ATP7B: variants seen among roughly 807,000 people sequenced by gnomAD.
ATP7B encodes the protein ATPase copper transporting beta.
ATP7B carries 113 observed loss-of-function variants against 118.9 expected under a neutral mutation model. The ratio of observed to expected loss-of-function variants is 0.95; its 90% CI spans 0.82 to 1.11. ATP7B has a LOEUF of 1.11. Ranked by LOEUF, ATP7B falls within the 50% of genes most tolerant of loss-of-function variation. The probability of loss-of-function intolerance (pLI) is 0.00; values close to 1 mark genes in which losing one functional copy is unlikely to be tolerated. For missense variants in ATP7B, 1,867 were observed against 1,871.4 expected, an observed-to-expected ratio of 1.00 and a Z score of 0.04; for synonymous variants, 777 against 727.4, an observed-to-expected ratio of 1.07 and a Z score of -1.10.
chr13:51,973,992 G>A lies in ATP7B; in HGVS notation c.1228C>T (p.Pro410Ser). ...TCTATAGCAGCTCTGAGTTCTTCTG[G>A]GCTAATTACAGAGGGATTATAAAGA... ...TVLYNPSVIS[P>S]EELRAAIEDM... The change falls in exon 2 of 21, where the codon CCA (proline) becomes TCA (serine). Residue 410 changes from proline (P) to serine (S), a missense_variant. Transcript: ENST00000242839. 5 of 1,614,194 alleles carry A rather than the reference G, an allele frequency of 3.1e-6. No homozygotes were observed. Among genetic ancestry groups the A allele is most frequent in the Non-Finnish European group, 4.2e-6 (5 of 1,180,032 alleles).
At chr13:52,007,650 C>G (rs940804510) in intron 1 of ATP7B, among the ~76,000 whole-genome samples, 2 of 152,124 alleles carry the variant, frequency 1.3e-5, no homozygotes, top group Non-Finnish European at 2.9e-5. Flanking sequence ...GGAGTTAGCA[C>G]GGACCCCACA....
In ATP7B at chr13:51,935,156, A is replaced by G. The variant is rs554348516; in HGVS notation, c.4125-127T>C. 2.2e-6 allele frequency: 3 copies of G among 1,341,588 alleles called. No individual in the cohort carries two copies. In the South Asian group the frequency reaches 4.0e-5, roughly 18 times the overall value. The allele number at this position is 1,341,588 out of a possible 1,614,324, so 83.1% of individuals were successfully genotyped here. A position where few individuals can be genotyped will look rare whatever the true frequency, so the allele number is the denominator to read the frequency against. ...CAGTATCAAAACCTCAAGAGTTTCCAAGGAAAAGGACATTAAACTCCCTAT... is the reference window on the plus strand; with the variant it reads ...CAGTATCAAAACCTCAAGAGTTTCCGAGGAAAAGGACATTAAACTCCCTAT... On this transcript the variant is annotated intron_variant, in intron 20 of 20. Transcript: ENST00000242839.
intron 1 of ATP7B, among the ~76,000 whole-genome samples, chr13:51,993,946 G>A (rs765440648): frequency 4.6e-5 from 7 of 152,074 alleles, no homozygotes; most frequent in Non-Finnish European, 7.4e-5. Context: ...GCTTCAGGTC[G>A]CCCCACTAGT....
At chr13:51,966,523 C>T (rs191475787) in intron 4 of ATP7B, among the ~76,000 whole-genome samples, 1 of 152,166 alleles carries the variant, frequency 6.6e-6, no homozygotes, top group Admixed American at 6.5e-5. Flanking sequence ...ATGTATTAGG[C>T]AAATATGAAG....
Position 51,950,077 on chromosome 13 carries a change from G to A in ATP7B, c.2660C>T (p.Ala887Val). ...INAHGSVLIK[A>V]THVGNDTTLA... is the part of the protein sequence containing the mutation. Reference sequence around the variant, plus strand: ...AGTGGTGTCATTGCCCACGTGGGTAGCTTTAATGAGCACAGAGCCATGTGC... The same window carrying A: ...AGTGGTGTCATTGCCCACGTGGGTAACTTTAATGAGCACAGAGCCATGTGC... The change falls in exon 11 of 21, where the codon GCT (alanine) becomes GTT (valine). Residue 887 changes from alanine (A) to valine (V), a missense_variant. Ala to Val is a moderately conservative substitution (Grantham distance 64). Transcript: ENST00000242839. 6.2e-7 allele frequency: 1 copy of A among 1,614,224 alleles called. No individual in the cohort carries two copies. Among genetic ancestry groups the A allele is most frequent in the Non-Finnish European group, 8.5e-7 (1 of 1,180,042 alleles).
chr13:52,008,673 A>ATT (rs1261339841), intron 1 of ATP7B, among the ~76,000 whole-genome samples: 1 of 152,132 alleles, frequency 6.6e-6, no homozygotes, highest in Non-Finnish European at 1.5e-5. Context: ...CCAAGTATAT[A>ATT]TTTCTTCTTA....
chr13:51,995,249 AC>A (rs1266917581), intron 1 of ATP7B: 1 of 954,238 alleles, frequency 1.0e-6, no homozygotes, highest in Non-Finnish European at 1.2e-6. Flanking sequence ...ATGGAGAGAA[AC>A]CTCCATCTTT....
At position 51,940,669 on chromosome 13, in the gene ATP7B, T is replaced by G. The variant is rs149488874; in HGVS notation, c.3556+412A>C. On this transcript the variant is annotated intron_variant, in intron 16 of 20. Transcript: ENST00000242839. Reference sequence around the variant, plus strand: ...AGTCTAAAAAAGAAAAAGAAAGTAATAATAAATAAATAAAGCAGACAGAGA... The same window carrying G: ...AGTCTAAAAAAGAAAAAGAAAGTAAGAATAAATAAATAAAGCAGACAGAGA... Among the ~76,000 whole-genome samples, 513 of 151,872 alleles carry G rather than the reference T, an allele frequency of 3.4e-3. 15 individuals carry two copies. Among genetic ancestry groups the G allele is most frequent in the Admixed American group, 0.033 (497 of 15,250 alleles).
intron 1 of ATP7B, among the ~76,000 whole-genome samples, chr13:51,996,345 G>C (rs1479950200): frequency 2.0e-5 from 3 of 152,118 alleles, no homozygotes; most frequent in Non-Finnish European, 2.9e-5. Flanking sequence ...CGACACTGTG[G>C]TAATTCCAGC....
intron 9 of ATP7B, among the ~76,000 whole-genome samples, chr13:51,956,358 A>G (rs563171332): frequency 6.2e-4 from 94 of 152,350 alleles, no homozygotes; most frequent in Non-Finnish European, 1.2e-3. Flanking sequence ...CAGCTAGGGC[A>G]GGCTGGCTCC....
At chr13:51,964,108 AACAC>A (rs17334263) in intron 5 of ATP7B, among the ~76,000 whole-genome samples, 37 of 145,714 alleles carry the variant, frequency 2.5e-4, no homozygotes, top group Admixed American at 6.2e-4. Flanking sequence ...TCTCTCTTTA[AACAC>A]ACACACACAC....
chr13:52,010,776 G>A (rs1338680025), intron 1 of ATP7B, among the ~76,000 whole-genome samples: 1 of 152,230 alleles, frequency 6.6e-6, no homozygotes, highest in Non-Finnish European at 1.5e-5. Context: ...GAAGACATAT[G>A]TACGTGAATA....
In ATP7B at chr13:52,011,305, T is replaced by A. The variant is rs753613009; in HGVS notation, c.33A>T (p.Arg11Ser). 9 of 1,614,076 alleles carry A rather than the reference T, an allele frequency of 5.6e-6. No homozygotes were observed. Among genetic ancestry groups the A allele is most frequent in the Non-Finnish European group, 7.6e-6 (9 of 1,180,018 alleles). MPEQERQITA[R>S]EGASRKILSK... The stretch of plus-strand genomic sequence containing the variant: ...AACTCACTTTCCGACTGGCCCCTTC[T>A]CTGGCTGTGATCTGTCTCTCCTGCT... Residue 11 changes from arginine (R) to serine (S), a missense_variant, in exon 1 of 21, where the codon AGA (arginine) becomes AGT (serine). Arg to Ser is a moderately radical substitution (Grantham distance 110, BLOSUM62 -1). Coordinates refer to ENST00000242839, the MANE Select transcript of ATP7B (RefSeq NM_000053.4).
At chr13:51,957,690 T>C (rs965460396) in intron 8 of ATP7B, 83 bp from the exon 9 acceptor site, 15 of 1,358,038 alleles carry the variant, frequency 1.1e-5, no homozygotes, top group Middle Eastern at 3.9e-4. Context: ...AGCGTGGTGT[T>C]AGAGACAGCT....
rs1958325784 is a variant in ATP7B, at chr13:51,956,038, G to C, written c.2447+1478C>G. On this transcript the variant is annotated intron_variant, in intron 9 of 20. Transcript: ENST00000242839. Reference sequence around the variant, plus strand: ...GGGATGATGACAGTGCTGCCTCACGGAACAGCTACAGAGTGGAACTAGACG... The same window carrying C: ...GGGATGATGACAGTGCTGCCTCACGCAACAGCTACAGAGTGGAACTAGACG... Among the ~76,000 whole-genome samples the C allele has an allele frequency of 3.3e-5, 5 of 152,214 alleles. No individual in the cohort carries two copies. The South Asian group carries it at 1.0e-3, about 32-fold the overall frequency.
chr13:51,934,476 G>A lies in ATP7B; in HGVS notation c.*280C>T, dbSNP rs1033090936. The stretch of plus-strand genomic sequence containing the variant: ...CAGAGGTCTGTGAGGAGGGTGACTC[G>A]CCTCTCACCTTCTACAGTCCAGCCA... On this transcript the variant is annotated 3_prime_UTR_variant, in exon 21 of 21. Transcript: ENST00000242839. 39 of 505,066 alleles carry A rather than the reference G, an allele frequency of 7.7e-5. No homozygotes were observed. The highest frequency in any genetic ancestry group is 5.2e-4 in the Admixed American group (16 of 31,000). 31.3% of individuals were successfully genotyped at this position (505,066 alleles called of 1,614,324 possible).
rs3825527 is a variant in ATP7B at position 51,971,005 on chromosome 13, A to G, written c.1286-256T>C. ...CTAATACCTTTGTAAATAGTTCTCT[A>G]TATTAAATCCTTCCACTGAGCTACC... On this transcript the variant is annotated intron_variant, in intron 2 of 20. Coordinates refer to ENST00000242839, the MANE Select transcript of ATP7B (RefSeq NM_000053.4). Among the ~76,000 whole-genome samples, 61,874 of 151,958 alleles carry G rather than the reference A, an allele frequency of 0.41. 13,505 individuals are homozygous for G. Among genetic ancestry groups the G allele is most frequent in the Middle Eastern group, 0.49 (145 of 294 alleles).
Position 51,961,971 on chromosome 13 carries a change from G to C in ATP7B, c.1870-58C>G, listed in dbSNP as rs1958778293. 7 of 1,441,562 alleles carry C rather than the reference G, an allele frequency of 4.9e-6. 1 individual carries two copies. Among genetic ancestry groups the C allele is most frequent in the Non-Finnish European group, 6.8e-6 (7 of 1,024,032 alleles). 89.3% of individuals were successfully genotyped at this position (1,441,562 alleles called of 1,614,324 possible). The stretch of plus-strand genomic sequence containing the variant: ...GGAGGAAGGTACTTGGTTAAAATAT[G>C]CATTGGCAGAAAGCACTTTTCAGCT... On this transcript the variant is annotated intron_variant, in intron 5 of 20. Transcript: ENST00000242839.
chr13:51,934,423 T>A lies in ATP7B; in HGVS notation c.*333A>T, dbSNP rs886254768. ...GGTCCTGATGAAACTGTTCTCCATT[T>A]CACAGCAGTCATCCTAAATACTCCA... On this transcript the variant is annotated 3_prime_UTR_variant, in exon 21 of 21. Coordinates refer to ENST00000242839, the MANE Select transcript of ATP7B (RefSeq NM_000053.4). 1.0e-5 allele frequency: 4 copies of A among 390,706 alleles called. 1 individual carries two copies. In the Admixed American group the frequency reaches 1.1e-4, roughly 11 times the overall value. 24.2% of individuals were successfully genotyped at this position (390,706 alleles called of 1,614,324 possible).
Sources: allele counts gnomAD v4.1 joint callset (sites outside exome capture counted in the v4.1 genomes callset), GRCh38; gene constraint gnomAD v4.1.1; transcripts MANE v1.5; gene names NCBI Gene and HGNC (gene_info 2026-07-23, HGNC 2026-07-21).